CA10: variants seen among roughly 807,000 people sequenced by gnomAD.
CA10 encodes carbonic anhydrase-related protein 10.
Under a neutral mutation model 44.2 loss-of-function variants are expected in CA10, and 14 were observed. The ratio of observed to expected loss-of-function variants is 0.32; its 90% CI spans 0.21 to 0.50. The LOEUF (loss-of-function observed/expected upper bound fraction) is 0.50, where lower values mean the gene tolerates loss of function less well. CA10 is among the 20% of genes least tolerant of loss of function. The pLI is 0.99. For synonymous variants in CA10, 159 were observed against 141.6 expected (o/e 1.12, Z -0.87); for missense variants, 350 against 409.7 (o/e 0.85, Z 1.26).
At chr17:52,070,502 G>C (rs1453317386) in intron 2 of CA10, 1 of 152,062 alleles carries the variant, frequency 6.6e-6, no homozygotes, top group Non-Finnish European at 1.5e-5. Context: ...AGCTGAGCTG[G>C]GTAGGTAACT....
At chr17:51,800,865 TG>T (rs770810424) in intron 3 of CA10, among the ~76,000 whole-genome samples, 13 of 152,318 alleles carry the variant, frequency 8.5e-5, no homozygotes, top group Non-Finnish European at 1.8e-4. Context: ...TAATGGATTT[TG>T]GGGGTATCCA....
At chr17:51,692,433 A>T (rs1567805374) in intron 4 of CA10, among the ~76,000 whole-genome samples, 1,295 of 82,120 alleles carry the variant, frequency 0.016, 12 homozygotes, top group East Asian at 0.042. Context: ...CTATTTTACC[A>T]TTTACCATGG....
At chr17:52,108,700 A>G (rs1270599937) in intron 1 of CA10, among the ~76,000 whole-genome samples, 1 of 19,976 alleles carries the variant, frequency 5.0e-5, no homozygotes, top group Non-Finnish European at 7.7e-5. Context: ...ACTCCGTCTC[A>G]AAAAAAAAAA....
At chr17:51,649,053 C>A in intron 6 of CA10, 129 bp downstream of exon 6, 1 of 649,196 alleles carries the variant, frequency 1.5e-6, no homozygotes, top group Middle Eastern at 2.5e-4. Flanking sequence ...TCCAGAGTGA[C>A]TTTCTACAGA....
At chr17:51,959,683 C>T (rs1355069692) in intron 2 of CA10, among the ~76,000 whole-genome samples, 2 of 150,418 alleles carry the variant, frequency 1.3e-5, no homozygotes, top group Non-Finnish European at 2.9e-5. Flanking sequence ...AGCAGACAAA[C>T]TAGCTCTACA....
At chr17:51,829,030 C>G (rs113176510) in intron 3 of CA10, among the ~76,000 whole-genome samples, 2 of 152,294 alleles carry the variant, frequency 1.3e-5, no homozygotes, top group South Asian at 2.1e-4. Context: ...AAACCACCCC[C>G]CAAGGTCAGT....
At chr17:51,702,324 C>A (rs1184109084) in intron 4 of CA10, among the ~76,000 whole-genome samples, 1 of 152,082 alleles carries the variant, frequency 6.6e-6, no homozygotes, top group African/African-American at 2.4e-5. Context: ...GATTCAGATC[C>A]AGCATTGCCT....
intron 2 of CA10, among the ~76,000 whole-genome samples, chr17:51,977,822 T>C (rs1217643860): frequency 1.3e-5 from 2 of 152,094 alleles, no homozygotes; most frequent in Non-Finnish European, 2.9e-5. Context: ...GAAACTAAAG[T>C]GAATTCACTA....
At chr17:51,874,374 C>T (rs1325802928) in intron 3 of CA10, among the ~76,000 whole-genome samples, 1 of 145,804 alleles carries the variant, frequency 6.9e-6, no homozygotes, top group East Asian at 2.0e-4. Flanking sequence ...AGCATCTACT[C>T]TTGGAGTAAT....
intron 2 of CA10, among the ~76,000 whole-genome samples, chr17:51,964,905 G>A (rs1327061998): frequency 6.6e-6 from 1 of 151,576 alleles, no homozygotes; most frequent in Non-Finnish European, 1.5e-5. Context: ...ACTAAAACAA[G>A]ACCAGAACTG....
chr17:51,986,861 A>G (rs1218776027), intron 2 of CA10, among the ~76,000 whole-genome samples: 1 of 152,056 alleles, frequency 6.6e-6, no homozygotes, highest in Non-Finnish European at 1.5e-5. Context: ...AAAAAAGTAG[A>G]TATCGGCATG....
At chr17:51,804,972 C>T (rs905767249) in intron 3 of CA10, among the ~76,000 whole-genome samples, 7 of 152,166 alleles carry the variant, frequency 4.6e-5, no homozygotes, top group Non-Finnish European at 5.9e-5. Flanking sequence ...TTTTCCTGAA[C>T]TTTCCATTCC....
intron 5 of CA10, among the ~76,000 whole-genome samples, chr17:51,650,512 A>G (rs554180990): frequency 6.6e-6 from 1 of 152,314 alleles, no homozygotes; most frequent in East Asian, 1.9e-4. Flanking sequence ...CACACACCAA[A>G]GGGAGCTTGG....
At chr17:52,134,704 A>T (rs1989313418) in intron 1 of CA10, among the ~76,000 whole-genome samples, 1 of 152,058 alleles carries the variant, frequency 6.6e-6, no homozygotes, top group Non-Finnish European at 1.5e-5. Flanking sequence ...CTCCCCTCCT[A>T]CAACTGCACA....
At chr17:51,749,371 CT>C (rs1904815415) in intron 3 of CA10, among the ~76,000 whole-genome samples, 1 of 152,212 alleles carries the variant, frequency 6.6e-6, no homozygotes, top group African/African-American at 2.4e-5. Flanking sequence ...TTCTTCACTT[CT>C]TCGTGGAGCC....
intron 3 of CA10, among the ~76,000 whole-genome samples, chr17:51,918,445 TG>T (rs1198967883): frequency 6.6e-6 from 1 of 152,220 alleles, no homozygotes; most frequent in African/African-American, 2.4e-5. Flanking sequence ...GCTGCTAGTT[TG>T]ATAGGTTTCT....
intron 1 of CA10, among the ~76,000 whole-genome samples, chr17:52,082,813 G>A (rs965328038): frequency 6.6e-6 from 1 of 152,154 alleles, no homozygotes; most frequent in Non-Finnish European, 1.5e-5. Context: ...TTAGTCTAAT[G>A]AATGAATCTG....
intron 2 of CA10, among the ~76,000 whole-genome samples, chr17:52,002,226 T>TG (rs1985450121): frequency 6.6e-6 from 1 of 150,804 alleles, no homozygotes; most frequent in Non-Finnish European, 1.5e-5. Context: ...AAGTTATAAA[T>TG]GAAAAAAAAA....
rs561653879 is a variant in CA10 at position 51,927,161 on chromosome 17, C to T, written c.279+3829G>A. On this transcript the variant is annotated intron_variant, in intron 3 of 8. Transcript: ENST00000451037. ...TACTTCTTATACTTAACATATGATCCTACCTTTTATACTTAATATATGATA... is the reference window on the plus strand; with the variant it reads ...TACTTCTTATACTTAACATATGATCTTACCTTTTATACTTAATATATGATA... Among the ~76,000 whole-genome samples, 23 of 152,188 alleles carry T rather than the reference C, an allele frequency of 1.5e-4. No individual in the cohort carries two copies. In the South Asian group the frequency reaches 4.3e-3, roughly 29 times the overall value.
Sources: gnomAD v4.1 joint callset for allele counts (sites outside exome capture counted in the v4.1 genomes callset) on GRCh38, gnomAD v4.1.1 for gene constraint, MANE v1.5 for transcripts, NCBI Gene and HGNC (gene_info 2026-07-23, HGNC 2026-07-21) for gene names.